Variants in P4HA3 observed in about 807,000 individuals in gnomAD.
P4HA3 encodes the protein prolyl 4-hydroxylase subunit alpha-3.
P4HA3 carries 60 observed loss-of-function variants against 66.7 expected under a neutral mutation model. The observed-to-expected ratio is 0.90, with a 90% CI of 0.73 to 1.12. The LOEUF (loss-of-function observed/expected upper bound fraction) is 1.12, where lower values mean the gene tolerates loss of function less well. P4HA3 is among the 50% of genes most tolerant of loss of function. The pLI, the probability that P4HA3 is intolerant of heterozygous loss-of-function variation, is 0.00. For missense variants in P4HA3, 683 were observed against 685.8 expected, an observed-to-expected ratio of 1.00 and a Z score of 0.05; for synonymous variants, 263 against 274.6, an observed-to-expected ratio of 0.96 and a Z score of 0.42.
At chr11:74,290,619 G>A (rs1263631128) in intron 4 of P4HA3, among the ~76,000 whole-genome samples, 1 of 151,802 alleles carries the variant, frequency 6.6e-6, no homozygotes, top group South Asian at 2.1e-4. Flanking sequence ...ATTAATTTTT[G>A]TATAAGGTGT....
intron 10 of P4HA3, among the ~76,000 whole-genome samples, chr11:74,271,369 T>A (rs994986784): frequency 2.6e-5 from 4 of 152,206 alleles, no homozygotes; most frequent in Non-Finnish European, 5.9e-5. Flanking sequence ...ACCTGTGGTT[T>A]TACAATATGG....
chr11:74,258,063 C>A (rs1316193148), intron 15 of P4HA3, among the ~76,000 whole-genome samples: 1 of 152,202 alleles, frequency 6.6e-6, no homozygotes, highest in Non-Finnish European at 1.5e-5. Flanking sequence ...CTCCTCCCTG[C>A]AGTCACTGTT....
chr11:74,300,253 A>T (rs1371352250), intron 3 of P4HA3, among the ~76,000 whole-genome samples: 1 of 152,230 alleles, frequency 6.6e-6, no homozygotes, highest in East Asian at 1.9e-4. Flanking sequence ...GCTCCCAAAC[A>T]TGAAAACTAT....
chr11:74,251,397 A>T lies in P4HA3; in HGVS notation c.*1319-3396T>A, dbSNP rs542941772. The T allele has an allele frequency of 1.0e-4, 138 of 1,367,060 alleles. 1 individual carries two copies. In the African/African-American group the frequency reaches 1.8e-3, roughly 18 times the overall value. 84.7% of individuals were successfully genotyped at this position (1,367,060 alleles called of 1,614,324 possible). On this transcript the variant is annotated intron_variant and NMD_transcript_variant, in intron 15 of 15. Transcript: ENST00000524388. ...TCCTGTGAGAAAACACCATTCTGTA[A>T]CTCTGAGGGCACACATAAGCCCTTC...
intron 15 of P4HA3, among the ~76,000 whole-genome samples, chr11:74,252,227 C>G (rs1004190653): frequency 2.0e-5 from 3 of 150,312 alleles, no homozygotes; most frequent in African/African-American, 7.4e-5. Context: ...GCCACCGTAC[C>G]CGGCTAATTT....
Position 74,268,252 on chromosome 11 carries a change from A to T in P4HA3, c.1468-11T>A. 1 of 1,611,216 alleles carries T rather than the reference A, an allele frequency of 6.2e-7. No individual in the cohort carries two copies. Among genetic ancestry groups the T allele is most frequent in the Non-Finnish European group, 8.5e-7 (1 of 1,178,346 alleles). On this transcript the variant is annotated splice_polypyrimidine_tract_variant and intron_variant, in intron 11 of 12. Transcript: ENST00000331597. ...AAACAGTGCTGCATTCTGAAACAAG[A>T]GGGCCCAGCCCCAGGGAGGGTCAGC...
chr11:74,283,148 C>A (rs1055320704), intron 7 of P4HA3, among the ~76,000 whole-genome samples: 14 of 152,146 alleles, frequency 9.2e-5, no homozygotes, highest in African/African-American at 3.4e-4. Flanking sequence ...AGCCACAGAC[C>A]AGACAGGCAT....
chr11:74,296,337 C>A (rs1404202923), intron 4 of P4HA3, among the ~76,000 whole-genome samples: 2 of 152,194 alleles, frequency 1.3e-5, no homozygotes, highest in African/African-American at 4.8e-5. Context: ...ACTCTACCAT[C>A]TCTCATTATT....
chr11:74,268,084 CCT>C (rs959481653), intron 12 of P4HA3, 59 bp downstream of exon 12: 20 of 1,433,836 alleles, frequency 1.4e-5, no homozygotes, highest in Admixed American at 6.9e-5. Context: ...CCACCCATCC[CCT>C]GTTTCACTCT....
chr11:74,293,896 A>C (rs894682968), intron 4 of P4HA3, among the ~76,000 whole-genome samples: 22 of 151,924 alleles, frequency 1.4e-4, no homozygotes, highest in Non-Finnish European at 2.1e-4. Flanking sequence ...CCTTCATTTC[A>C]ACTTTGGTGA....
intron 4 of P4HA3, among the ~76,000 whole-genome samples, chr11:74,297,682 T>C (rs1861270699): frequency 6.6e-6 from 1 of 152,190 alleles, no homozygotes; most frequent in Admixed American, 6.6e-5. Context: ...GGAGGCACTG[T>C]GGCTGGTACT....
chr11:74,252,711 G>A (rs774547233), intron 15 of P4HA3, among the ~76,000 whole-genome samples: 2 of 152,146 alleles, frequency 1.3e-5, no homozygotes, highest in Admixed American at 1.3e-4. Flanking sequence ...TTGACAAACA[G>A]AAATGTCTCC....
chr11:74,252,941 CAG>C (rs1859741386), intron 15 of P4HA3, among the ~76,000 whole-genome samples: 1 of 152,232 alleles, frequency 6.6e-6, no homozygotes, highest in African/African-American at 2.4e-5. Context: ...CTTTGATCCT[CAG>C]AGAGCCCACA....
At chr11:74,254,753 G>C (rs2135690826) in intron 15 of P4HA3, 1 of 152,800 alleles carries the variant, frequency 6.5e-6, no homozygotes, top group East Asian at 1.9e-4. Context: ...CTGATATGGG[G>C]GCAGGGGACA....
In P4HA3 at chr11:74,291,868, T is replaced by A. The variant is rs565032494; in HGVS notation, c.718-2738A>T. On this transcript the variant is annotated intron_variant, in intron 4 of 12. Transcript: ENST00000331597. ...TTGCCAGTATTTTATTGAGGATTTT[T>A]GCATCAATGTTCATCAAGGATATTG... 6.6e-5 allele frequency among the ~76,000 whole-genome samples: 10 copies of A among 152,302 alleles called. No individual in the cohort carries two copies. The South Asian group carries it at 2.1e-3, about 32-fold the overall frequency.
At chr11:74,266,045 T>G (rs1424204067), downstream of P4HA3, among the ~76,000 whole-genome samples, 1 of 151,378 alleles carries the variant, frequency 6.6e-6, no homozygotes, top group Non-Finnish European at 1.5e-5. Flanking sequence ...CTGCATTGAG[T>G]GGAATGATGA....
chr11:74,283,087 G>C (rs1860663894), intron 7 of P4HA3, among the ~76,000 whole-genome samples: 1 of 152,158 alleles, frequency 6.6e-6, no homozygotes, highest in African/African-American at 2.4e-5. Context: ...TCTGTCTTCA[G>C]TTCCCATGGG....
chr11:74,309,497 A>T (rs1179224202), intron 1 of P4HA3, among the ~76,000 whole-genome samples: 1 of 152,158 alleles, frequency 6.6e-6, no homozygotes, highest in African/African-American at 2.4e-5. Flanking sequence ...TCCCGTCTCC[A>T]TCTGAGCTAC....
intron 10 of P4HA3, among the ~76,000 whole-genome samples, chr11:74,269,973 T>C (rs1860136237): frequency 6.6e-6 from 1 of 152,178 alleles, no homozygotes; most frequent in African/African-American, 2.4e-5. Flanking sequence ...AACATCCTTA[T>C]TGAGGGCTAC....
Sources: allele counts gnomAD v4.1 joint callset (sites outside exome capture counted in the v4.1 genomes callset), GRCh38; gene constraint gnomAD v4.1.1; transcripts MANE v1.5; gene names NCBI Gene and HGNC (gene_info 2026-07-23, HGNC 2026-07-21).